Variants in RDH13 observed in about 807,000 individuals in gnomAD.
The protein encoded by RDH13 is retinol dehydrogenase 13 (all-trans and 9-cis).
A neutral mutation model predicts 28.3 loss-of-function variants in RDH13; 35 were observed. The observed-to-expected ratio is 1.24, with a 90% CI of 0.95 to 1.64. The LOEUF is 1.64. RDH13 is among the 40% of genes most tolerant of loss of function. The probability of loss-of-function intolerance (pLI) is 0.00; values close to 1 mark genes in which losing one functional copy is unlikely to be tolerated. For synonymous variants in RDH13, 229 were observed against 198.5 expected (o/e 1.15, Z -1.29); for missense variants, 514 against 446.3 (o/e 1.15, Z -1.37).
At chr19:55,062,890 CG>C (rs1423298216) in intron 1 of RDH13, 77 bp downstream of exon 1, 5 of 1,234,176 alleles carry the variant, frequency 4.1e-6, no homozygotes, top group Non-Finnish European at 5.3e-6. Flanking sequence ...GTGCGAGGGG[CG>C]GGGGTCTCCG....
Position 55,047,160 on chromosome 19 carries a change from G to A in RDH13, c.760+227C>T, listed in dbSNP as rs369960332. On this transcript the variant is annotated intron_variant, in intron 6 of 6. Transcript: ENST00000415061. ...TCCACGGCCTCTTCCTCTGAGACAC[G>A]GTTTTCTCATCCGCCAGCAGGGCTC... 24 of 1,398,870 alleles carry A rather than the reference G, an allele frequency of 1.7e-5. No homozygotes were observed. The African/African-American group carries it at 1.9e-4, about 11-fold the overall frequency. The allele number at this position is 1,398,870 out of a possible 1,614,324, so 86.7% of individuals were successfully genotyped here.
chr19:55,048,408 C>T lies in RDH13; in HGVS notation c.579G>A (p.Lys193=), dbSNP rs529349949. The T allele has an allele frequency of 1.2e-6, 2 of 1,614,200 alleles. No individual in the cohort carries two copies. Among genetic ancestry groups the T allele is most frequent in the Non-Finnish European group, 1.7e-6 (2 of 1,180,052 alleles). ...GGCAGTAGGCGGCTTTGGTGTTATA[C>T]TTCCTCGTCTGCCAGTTCAAGTCGT... ...DFDDLNWQTR[K]YNTKAAYCQS... The change falls in exon 5 of 7, where the codon AAG becomes AAA. Residue 193 remains lysine (K), a synonymous_variant. Coordinates refer to ENST00000415061, the MANE Select transcript of RDH13 (RefSeq NM_001145971.2).
chr19:55,064,752 A>G (rs2075920000), upstream of RDH13, among the ~76,000 whole-genome samples: 1 of 149,806 alleles, frequency 6.7e-6, no homozygotes, highest in African/African-American at 2.5e-5. Context: ...AGCTGGGGCT[A>G]CAGGCACGTG....
At chr19:55,040,062 G>A (rs999144917), downstream of RDH13, among the ~76,000 whole-genome samples, 18 of 152,308 alleles carry the variant, frequency 1.2e-4, no homozygotes, top group Admixed American at 6.5e-4. Context: ...AATAGGGAGC[G>A]CTTAGGTTGA....
At chr19:55,062,133 GCTTCA>G (rs746243083) in intron 1 of RDH13, among the ~76,000 whole-genome samples, 13 of 150,878 alleles carry the variant, frequency 8.6e-5, no homozygotes, top group South Asian at 8.4e-4. Flanking sequence ...AAAAAAAGAT[GCTTCA>G]CTTAACACAT....
upstream of RDH13, among the ~76,000 whole-genome samples, chr19:55,064,675 C>T (rs754617521): frequency 4.2e-3 from 633 of 149,354 alleles, 2 homozygotes; most frequent in African/African-American, 8.9e-3. Flanking sequence ...GAGCAGTGGG[C>T]GATCTCAGCT....
At chr19:55,048,125 G>T in intron 5 of RDH13, 1 of 1,531,462 alleles carries the variant, frequency 6.5e-7, no homozygotes, top group Non-Finnish European at 8.7e-7. Context: ...AGACCACCTG[G>T]GATGAACAGA....
chr19:55,046,980 A>T, intron 6 of RDH13: 1 of 286,532 alleles, frequency 3.5e-6, no homozygotes, highest in Non-Finnish European at 5.7e-6. Flanking sequence ...GTCTCGTATA[A>T]CCCCCCCAGT....
intron 3 of RDH13, among the ~76,000 whole-genome samples, chr19:55,056,079 G>A (rs543525479): frequency 9.5e-4 from 145 of 151,846 alleles, no homozygotes; most frequent in African/African-American, 3.2e-3. Flanking sequence ...ATTTGAAATC[G>A]GGAGACGGAG....
At position 55,059,138 on chromosome 19, in the gene RDH13, A is replaced by T; in HGVS notation, c.184+19T>A. 1 of 1,492,152 alleles carries T rather than the reference A, an allele frequency of 6.7e-7. No homozygotes were observed. The highest frequency in any genetic ancestry group is 9.2e-7 in the Non-Finnish European group (1 of 1,086,040). The allele number at this position is 1,492,152 out of a possible 1,614,324, so 92.4% of individuals were successfully genotyped here. ...ATGTACAGATATCTCTCTGAGAGCC[A>T]AAGCAGGGGAGATTTTACCTCTCCT... On this transcript the variant is annotated intron_variant, in intron 2 of 6. Coordinates refer to ENST00000415061, the MANE Select transcript of RDH13 (RefSeq NM_001145971.2).
chr19:55,058,141 G>A (rs1454115099), intron 2 of RDH13, among the ~76,000 whole-genome samples: 1 of 152,022 alleles, frequency 6.6e-6, no homozygotes, highest in Non-Finnish European at 1.5e-5. Flanking sequence ...GCCGGGCATG[G>A]TGGCTCACAC....
intron 1 of RDH13, 139 bp downstream of exon 1, chr19:55,062,829 C>T (rs1220967477): frequency 4.2e-6 from 3 of 711,714 alleles, no homozygotes; most frequent in Non-Finnish European, 6.2e-6. Flanking sequence ...CGCAGGTTTG[C>T]CCCACTCCGG....
At chr19:55,062,800 G>C (rs912559015) in intron 1 of RDH13, among the ~76,000 whole-genome samples, 168 bp downstream of exon 1, 7 of 152,258 alleles carry the variant, frequency 4.6e-5, no homozygotes, top group African/African-American at 1.7e-4. Flanking sequence ...CCTTGGGCCG[G>C]TGACCTGGCC....
intron 3 of RDH13, among the ~76,000 whole-genome samples, chr19:55,055,075 C>A (rs752881836): frequency 2.0e-5 from 3 of 152,110 alleles, no homozygotes; most frequent in Non-Finnish European, 4.4e-5. Context: ...AATACACACA[C>A]AAACCTATTA....
At chr19:55,042,011 A>G (rs1255551035), downstream of RDH13, 2 of 152,066 alleles carry the variant, frequency 1.3e-5, no homozygotes, top group Non-Finnish European at 2.9e-5. Context: ...CTTCCTGGAG[A>G]TAGCGAGGGG....
In RDH13 at chr19:55,048,663, G is replaced by T. The variant is rs772946204; in HGVS notation, c.441C>A (p.His147Gln). The T allele has an allele frequency of 1.9e-6, 3 of 1,613,884 alleles. No individual in the cohort carries two copies. In the South Asian group the frequency reaches 3.3e-5, roughly 18 times the overall value. Residue 147 changes from histidine (H) to glutamine (Q), a missense_variant, in exon 4 of 7, where the codon CAC (histidine) becomes CAA (glutamine). His to Gln is a conservative substitution (Grantham distance 24, BLOSUM62 0). Transcript: ENST00000415061. ...CAGCCCCTGCCCAGGCCTCACCCAG[G>T]TGGTTAACGCCAAACTGCATCTCGA... ...DGFEMQFGVN[H>Q]LGHFLLTNLL...
rs748987687 is a variant in RDH13 at position 55,048,709 on chromosome 19, T to G, written c.395A>C (p.His132Pro). 2.5e-6 allele frequency: 4 copies of G among 1,613,534 alleles called. No homozygotes were observed. The African/African-American group carries it at 5.3e-5, about 22-fold the overall frequency. Reference protein sequence around the residue: ...INNAGVMRCPHWTTEDGFEMQ... With the variant: ...INNAGVMRCPPWTTEDGFEMQ... ...CTCGAAGCCGTCCTCGGTGGTCCAG[T>G]GGGGGCACCGCATCACACCCGCGTT... Residue 132 changes from histidine to proline, a missense_variant, in exon 4 of 7, where the codon CAC becomes CCC. His to Pro is a moderately conservative substitution (Grantham distance 77). Transcript: ENST00000415061.
rs1408518360 is a variant in RDH13, at chr19:55,048,317, G to T, written c.658+12C>A. ...TAAAGCAAGAGGGAGGCCGAGCCTA[G>T]CGCCCCCGTACCTTGCAGCCGCCGG... On this transcript the variant is annotated intron_variant, in intron 5 of 6. Coordinates refer to ENST00000415061, the MANE Select transcript of RDH13 (RefSeq NM_001145971.2). 1.9e-6 allele frequency: 3 copies of T among 1,613,962 alleles called. No individual in the cohort carries two copies. In the South Asian group the frequency reaches 3.3e-5, roughly 18 times the overall value.
intron 6 of RDH13, among the ~76,000 whole-genome samples, chr19:55,046,191 G>A (rs1602703820): frequency 6.7e-6 from 1 of 150,140 alleles, no homozygotes; most frequent in African/African-American, 2.4e-5. Flanking sequence ...AGGTTGGAGT[G>A]AGCCAAGATT....
Sources: gnomAD v4.1 joint callset for allele counts (sites outside exome capture counted in the v4.1 genomes callset) on GRCh38, gnomAD v4.1.1 for gene constraint, MANE v1.5 for transcripts, NCBI Gene and HGNC (gene_info 2026-07-23, HGNC 2026-07-21) for gene names.